The following CFAP299 variants were observed in gnomAD, a reference collection of about 807,000 sequenced individuals.
CFAP299 encodes the protein cilia and flagella associated protein 299, also known as cilia- and flagella-associated protein 299.
CFAP299 carries 21 observed loss-of-function variants against 27.0 expected under a neutral mutation model. The observed-to-expected ratio is 0.78, with a 90% CI of 0.55 to 1.12. The LOEUF is 1.12. Ranked by LOEUF, CFAP299 falls within the 50% of genes most tolerant of loss-of-function variation. The pLI is 0.00. For missense variants in CFAP299, 310 were observed against 276.6 expected (o/e 1.12, Z -0.86); for synonymous variants, 104 against 98.1 (o/e 1.06, Z -0.36).
intron 2 of CFAP299, chr4:80,386,179 C>T (rs1332538023): frequency 6.8e-6 from 5 of 732,964 alleles, no homozygotes. Flanking sequence ...CCGGGTCCGT[C>T]ACTCTGAGGC....
chr4:80,678,638 C>A (rs988153525), intron 3 of CFAP299, among the ~76,000 whole-genome samples: 1 of 152,048 alleles, frequency 6.6e-6, no homozygotes, highest in African/African-American at 2.4e-5. Flanking sequence ...CTGCATCATG[C>A]CTATTTCCTG....
intron 3 of CFAP299, among the ~76,000 whole-genome samples, chr4:80,600,610 T>C (rs1294527912): frequency 3.9e-5 from 6 of 152,140 alleles, no homozygotes; most frequent in Non-Finnish European, 8.8e-5. Context: ...GTTTCATCAG[T>C]TTGTACTGTA....
intron 3 of CFAP299, among the ~76,000 whole-genome samples, chr4:80,688,603 C>A (rs939847382): frequency 2.6e-5 from 4 of 152,186 alleles, no homozygotes; most frequent in Non-Finnish European, 5.9e-5. Flanking sequence ...AAAAACAGAG[C>A]AGAAAAACTG....
At chr4:80,392,245 A>G (rs991444126) in intron 2 of CFAP299, among the ~76,000 whole-genome samples, 1 of 152,174 alleles carries the variant, frequency 6.6e-6, no homozygotes, top group African/African-American at 2.4e-5. Flanking sequence ...CTTGTCTCAG[A>G]TAAGACTTTG....
chr4:80,773,771 G>T (rs552582151), intron 3 of CFAP299, among the ~76,000 whole-genome samples: 1 of 152,096 alleles, frequency 6.6e-6, no homozygotes, highest in African/African-American at 2.4e-5. Context: ...TTGCAATTAA[G>T]TGTACATTTG....
chr4:80,805,761 C>T (rs1305997663), intron 3 of CFAP299, among the ~76,000 whole-genome samples: 3 of 152,098 alleles, frequency 2.0e-5, no homozygotes, highest in Non-Finnish European at 2.9e-5. Flanking sequence ...GTAGCTCCAG[C>T]AGCTCAGGAG....
At chr4:80,611,754 A>G (rs1006673148) in intron 3 of CFAP299, among the ~76,000 whole-genome samples, 2 of 152,046 alleles carry the variant, frequency 1.3e-5, no homozygotes, top group Non-Finnish European at 2.9e-5. Context: ...CTCCCTGTTA[A>G]CTGAAGGATG....
chr4:80,690,411 A>T (rs1487770683), intron 3 of CFAP299, among the ~76,000 whole-genome samples: 1 of 152,230 alleles, frequency 6.6e-6, no homozygotes, highest in Non-Finnish European at 1.5e-5. Context: ...ACTCAACTAT[A>T]GGGAAACTGA....
chr4:80,601,226 T>A (rs900956444), intron 3 of CFAP299, among the ~76,000 whole-genome samples: 1 of 152,168 alleles, frequency 6.6e-6, no homozygotes, highest in African/African-American at 2.4e-5. Context: ...AGTTTAGTTT[T>A]TAATCTCACT....
chr4:80,768,538 G>T (rs535668462), intron 3 of CFAP299, among the ~76,000 whole-genome samples: 69 of 152,260 alleles, frequency 4.5e-4, no homozygotes, highest in African/African-American at 1.6e-3. Flanking sequence ...GTTAAAAATA[G>T]ATTCATATTT....
intron 2 of CFAP299, among the ~76,000 whole-genome samples, chr4:80,579,302 T>G (rs2059556956): frequency 6.6e-6 from 1 of 152,210 alleles, no homozygotes; most frequent in Non-Finnish European, 1.5e-5. Flanking sequence ...GCGCAAATCA[T>G]TTTCACTTGG....
chr4:80,660,777 G>A (rs769624279), intron 3 of CFAP299, among the ~76,000 whole-genome samples: 1 of 152,032 alleles, frequency 6.6e-6, no homozygotes, highest in African/African-American at 2.4e-5. Context: ...CAAAGGGCTC[G>A]ATTGAGTTTG....
chr4:80,484,835 T>C (rs1560588401), intron 2 of CFAP299, among the ~76,000 whole-genome samples: 1 of 152,242 alleles, frequency 6.6e-6, no homozygotes, highest in East Asian at 1.9e-4. Flanking sequence ...GGAAAATAAA[T>C]ATTTTTCCTG....
chr4:80,542,996 C>T (rs1374766385), intron 2 of CFAP299, among the ~76,000 whole-genome samples: 3 of 152,258 alleles, frequency 2.0e-5, no homozygotes, highest in Non-Finnish European at 2.9e-5. Context: ...GCACCTCAAA[C>T]CCTCCAGCCC....
intron 3 of CFAP299, among the ~76,000 whole-genome samples, chr4:80,624,695 T>G (rs1577947293): frequency 1.3e-5 from 2 of 151,762 alleles, no homozygotes; most frequent in South Asian, 4.2e-4. Context: ...ATGACCAAAC[T>G]GTCAAAAATC....
intron 3 of CFAP299, among the ~76,000 whole-genome samples, chr4:80,658,744 A>T (rs1217633910): frequency 2.6e-5 from 4 of 152,120 alleles, no homozygotes; most frequent in Non-Finnish European, 4.4e-5. Context: ...CCATATCAAT[A>T]GGGAAGTGTG....
At chr4:80,838,731 G>T (rs1340422778) in intron 3 of CFAP299, among the ~76,000 whole-genome samples, 1 of 152,034 alleles carries the variant, frequency 6.6e-6, no homozygotes, top group African/African-American at 2.4e-5. Flanking sequence ...GCTTAGGATT[G>T]TTTTGGCTAT....
intron 3 of CFAP299, among the ~76,000 whole-genome samples, chr4:80,864,907 T>C (rs1039738041): frequency 3.9e-5 from 6 of 152,122 alleles, no homozygotes; most frequent in African/African-American, 1.2e-4. Flanking sequence ...CATTTTATTA[T>C]AGAGGAAACT....
intron 2 of CFAP299, among the ~76,000 whole-genome samples, chr4:80,371,588 G>T (rs1027338061): frequency 2.0e-5 from 3 of 152,120 alleles, no homozygotes; most frequent in Non-Finnish European, 2.9e-5. Context: ...TGAATGCTTT[G>T]TGCTTAGAAA....
Sources: allele counts gnomAD v4.1 joint callset (sites outside exome capture counted in the v4.1 genomes callset), GRCh38; gene constraint gnomAD v4.1.1; transcripts MANE v1.5; gene names NCBI Gene and HGNC (gene_info 2026-07-23, HGNC 2026-07-21).